CNTN4: variants seen among roughly 807,000 people sequenced by gnomAD.
CNTN4 encodes contactin 4, also known as contactin-4.
In CNTN4, 77 loss-of-function variants were observed where a neutral mutation model predicts 122.5. That is an observed-to-expected ratio of 0.63 (90% CI 0.52 to 0.76). The LOEUF (loss-of-function observed/expected upper bound fraction) is 0.76, where lower values mean the gene tolerates loss of function less well. CNTN4 is among the 30% of genes least tolerant of loss of function. The probability of loss-of-function intolerance (pLI) is 0.00; values close to 1 mark genes in which losing one functional copy is unlikely to be tolerated. For missense variants in CNTN4, 1,256 were observed against 1,259.1 expected (o/e 1.00, Z 0.04); for synonymous variants, 512 against 447.0 (o/e 1.15, Z -1.83).
intron 3 of CNTN4, among the ~76,000 whole-genome samples, chr3:2,468,549 C>T (rs1439262879): frequency 1.3e-5 from 2 of 152,138 alleles, no homozygotes; most frequent in African/African-American, 4.8e-5. Flanking sequence ...ACAGAGAAGA[C>T]TACATCAGTC....
chr3:2,895,126 C>T (rs2094092790), intron 10 of CNTN4, among the ~76,000 whole-genome samples: 1 of 152,180 alleles, frequency 6.6e-6, no homozygotes, highest in African/African-American at 2.4e-5. Flanking sequence ...CAGACAGGCA[C>T]CACCATGCCC....
intron 6 of CNTN4, among the ~76,000 whole-genome samples, chr3:2,754,900 A>G (rs1216617910): frequency 1.3e-5 from 2 of 152,188 alleles, no homozygotes; most frequent in Non-Finnish European, 2.9e-5. Context: ...AACTGATTAG[A>G]TAGTCTCATT....
chr3:2,519,730 A>G (rs562948630), intron 3 of CNTN4, among the ~76,000 whole-genome samples: 1 of 152,310 alleles, frequency 6.6e-6, no homozygotes, highest in Admixed American at 6.5e-5. Flanking sequence ...GTGTTGCTGT[A>G]TCTCAAAAAT....
intron 4 of CNTN4, among the ~76,000 whole-genome samples, chr3:2,624,568 A>T (rs1453324998): frequency 2.0e-5 from 3 of 150,550 alleles, no homozygotes; most frequent in Non-Finnish European, 4.4e-5. Context: ...TACTTGTATT[A>T]TACAGATAAA....
intron 2 of CNTN4, among the ~76,000 whole-genome samples, chr3:2,252,703 T>G (rs182327347): frequency 6.6e-6 from 1 of 152,206 alleles, no homozygotes; most frequent in Non-Finnish European, 1.5e-5. Flanking sequence ...AAAGGTGATA[T>G]AAATGCTGAA....
intron 4 of CNTN4, among the ~76,000 whole-genome samples, chr3:2,610,094 A>T (rs2081417947): frequency 6.6e-6 from 1 of 152,164 alleles, no homozygotes; most frequent in Non-Finnish European, 1.5e-5. Flanking sequence ...TTACAAGTAA[A>T]TACAAAATGC....
chr3:2,288,979 C>T (rs772754438), intron 2 of CNTN4, among the ~76,000 whole-genome samples: 1 of 152,088 alleles, frequency 6.6e-6, no homozygotes, highest in Non-Finnish European at 1.5e-5. Context: ...TCAAGGTACA[C>T]AGAACCATCT....
At chr3:2,624,284 G>C (rs1201174261) in intron 4 of CNTN4, among the ~76,000 whole-genome samples, 1 of 152,146 alleles carries the variant, frequency 6.6e-6, no homozygotes, top group African/African-American at 2.4e-5. Flanking sequence ...GAAACAAAAA[G>C]TGTGAACTCT....
At chr3:2,379,151 A>G (rs1443891330) in intron 3 of CNTN4, among the ~76,000 whole-genome samples, 2 of 152,162 alleles carry the variant, frequency 1.3e-5, no homozygotes, top group African/African-American at 4.8e-5. Flanking sequence ...AAAGATTGAG[A>G]CAGTTTTCTA....
Position 3,043,581 on chromosome 3 carries a change from T to C in CNTN4, c.2699-11T>C. On this transcript the variant is annotated splice_polypyrimidine_tract_variant and intron_variant, in intron 22 of 24. Coordinates refer to ENST00000418658, the MANE Select transcript of CNTN4 (RefSeq NM_175607.3). Reference sequence around the variant, plus strand: ...TAATCTGTGACTTCGTATATCTTAATTTTTTTATAGCACCAAGTCAACCCC... The same window carrying C: ...TAATCTGTGACTTCGTATATCTTAACTTTTTTATAGCACCAAGTCAACCCC... The C allele has an allele frequency of 6.3e-7, 1 of 1,584,632 alleles. No individual in the cohort carries two copies. Among genetic ancestry groups the C allele is most frequent in the Non-Finnish European group, 8.7e-7 (1 of 1,153,220 alleles).
chr3:2,908,329 G>T (rs959551806), intron 12 of CNTN4, among the ~76,000 whole-genome samples: 2 of 152,166 alleles, frequency 1.3e-5, no homozygotes, highest in African/African-American at 4.8e-5. Flanking sequence ...TCATATTGGC[G>T]ATGGGGACTG....
intron 6 of CNTN4, among the ~76,000 whole-genome samples, chr3:2,816,760 G>T (rs2092741109): frequency 7.0e-6 from 1 of 143,256 alleles, no homozygotes; most frequent in Admixed American, 7.3e-5. Flanking sequence ...GGTGGAGCTT[G>T]CAGTGAGCCG....
At chr3:2,632,567 A>G (rs984457631) in intron 4 of CNTN4, among the ~76,000 whole-genome samples, 1 of 152,216 alleles carries the variant, frequency 6.6e-6, no homozygotes, top group South Asian at 2.1e-4. Flanking sequence ...TGTGGGGCAT[A>G]GTATTGACAT....
chr3:2,357,397 G>A (rs1222459133), intron 3 of CNTN4, among the ~76,000 whole-genome samples: 1 of 152,140 alleles, frequency 6.6e-6, no homozygotes, highest in African/African-American at 2.4e-5. Context: ...CAACTTAAGG[G>A]ACTAATATTT....
chr3:2,145,633 G>T (rs1268763126), intron 2 of CNTN4, among the ~76,000 whole-genome samples: 1 of 152,168 alleles, frequency 6.6e-6, no homozygotes, highest in Non-Finnish European at 1.5e-5. Context: ...CTCACATTCA[G>T]TTTAATTATG....
intron 19 of CNTN4, chr3:3,039,795 G>T: frequency 2.0e-6 from 1 of 508,188 alleles, no homozygotes; most frequent in Non-Finnish European, 3.6e-6. Flanking sequence ...AGCTGGGTCT[G>T]CCCCATCAAA....
At chr3:2,156,713 C>T (rs943799037) in intron 2 of CNTN4, among the ~76,000 whole-genome samples, 1 of 152,172 alleles carries the variant, frequency 6.6e-6, no homozygotes, top group Non-Finnish European at 1.5e-5. Context: ...AGCGTTAACT[C>T]TGGGCAGAGT....
At chr3:2,204,405 C>A (rs2038243748) in intron 2 of CNTN4, among the ~76,000 whole-genome samples, 2 of 152,040 alleles carry the variant, frequency 1.3e-5, no homozygotes, top group African/African-American at 4.8e-5. Context: ...TCTTTTGATC[C>A]TAAAAGTAGC....
chr3:2,778,530 A>G (rs889659039), intron 6 of CNTN4, among the ~76,000 whole-genome samples: 1 of 152,066 alleles, frequency 6.6e-6, no homozygotes, highest in African/African-American at 2.4e-5. Flanking sequence ...TAAAATTCCT[A>G]TTGCTCTCAC....
Sources: gnomAD v4.1 joint callset for allele counts (sites outside exome capture counted in the v4.1 genomes callset) on GRCh38, gnomAD v4.1.1 for gene constraint, MANE v1.5 for transcripts, NCBI Gene and HGNC (gene_info 2026-07-23, HGNC 2026-07-21) for gene names.